ATR: variants seen among roughly 807,000 people sequenced by gnomAD.
ATR encodes ATR checkpoint kinase.
Under a neutral mutation model 305.3 loss-of-function variants are expected in ATR, and 142 were observed. The observed-to-expected ratio is 0.47, with a 90% CI of 0.41 to 0.53. The LOEUF is 0.53. Ranked by LOEUF, ATR falls within the 20% of genes least tolerant of loss-of-function variation. The pLI is 0.00. For synonymous variants in ATR, 1,050 were observed against 1,068.1 expected, an observed-to-expected ratio of 0.98 and a Z score of 0.33; for missense variants, 2,135 against 3,133.1, an observed-to-expected ratio of 0.68 and a Z score of 7.60.
intron 35 of ATR, among the ~76,000 whole-genome samples, chr3:142,486,969 A>C (rs1330244303): frequency 2.0e-5 from 3 of 147,430 alleles, no homozygotes; most frequent in Admixed American, 2.0e-4. Flanking sequence ...CAAAAAAAAA[A>C]AAAAAAAAAA....
At chr3:142,459,503 G>A in intron 42 of ATR, 120 bp from the exon 43 acceptor site, 1 of 1,146,082 alleles carries the variant, frequency 8.7e-7, no homozygotes, top group South Asian at 1.4e-5. Flanking sequence ...TGAAAAACAA[G>A]AATAAAGGAA....
chr3:142,496,281 TATATATATATATATA>T (rs2031599386), intron 34 of ATR, 65 bp downstream of exon 34: 2,019 of 72,440 alleles, frequency 0.028, 293 homozygotes, highest in Middle Eastern at 0.056. Flanking sequence ...TTCCCGACTA[TATATATATATATATA>T]TATATATATA....
At chr3:142,555,229 T>C (rs1577688273) in intron 10 of ATR, among the ~76,000 whole-genome samples, 1 of 52,686 alleles carries the variant, frequency 1.9e-5, no homozygotes, top group Non-Finnish European at 5.2e-5. Context: ...AGAGCAAAAC[T>C]CCGTCTCGGG....
rs771042068 is a variant in ATR at position 142,562,435 on chromosome 3, C to G, written c.967G>C (p.Glu323Gln). 9.3e-6 allele frequency: 15 copies of G among 1,614,108 alleles called. No individual in the cohort carries two copies. The highest frequency in any genetic ancestry group is 3.3e-4 in the Middle Eastern group (2 of 6,062). The change falls in exon 4 of 47, where the codon GAA becomes CAA. Residue 323 changes from glutamate (E) to glutamine (Q), a missense_variant. Around this residue, in one of 9 missense-constraint regions of ATR, gnomAD observed 744 missense variants for 873.2 expected, o/e 0.85. Coordinates refer to ENST00000350721, the MANE Select transcript of ATR (RefSeq NM_001184.4). The part of the protein sequence containing the change: ...IEPVYLNMLL[E>Q]KLCVMFEDGV... ...TCTTCAAACATGACACAGAGTTTTT[C>G]CAGCAGCATATTTAAATAGACAGGT...
chr3:142,575,210 A>C (rs747618511), intron 1 of ATR, among the ~76,000 whole-genome samples: 5 of 151,986 alleles, frequency 3.3e-5, no homozygotes, highest in Non-Finnish European at 5.9e-5. Flanking sequence ...CCTTCTTACT[A>C]TCCTTTTAAA....
intron 46 of ATR, chr3:142,450,478 A>G (rs1019016079): frequency 6.2e-7 from 1 of 1,602,270 alleles, no homozygotes; most frequent in Non-Finnish European, 8.5e-7. Flanking sequence ...AATGAGGTCC[A>G]CTAAAGAGAG....
intron 21 of ATR, among the ~76,000 whole-genome samples, chr3:142,530,809 A>G (rs1222894121): frequency 6.6e-6 from 1 of 152,106 alleles, no homozygotes; most frequent in Admixed American, 6.6e-5. Context: ...ATTTTCAGAG[A>G]CTACAAACGT....
chr3:142,504,461 A>C (rs995950185), intron 29 of ATR, among the ~76,000 whole-genome samples: 4 of 151,910 alleles, frequency 2.6e-5, no homozygotes, highest in African/African-American at 7.3e-5. Flanking sequence ...TAGTATTGGA[A>C]GGGACCTTTT....
Position 142,467,724 on chromosome 3 carries a change from A to C in ATR, c.6687+210T>G, listed in dbSNP as rs869312485. On this transcript the variant is annotated intron_variant, in intron 39 of 46. Coordinates refer to ENST00000350721, the MANE Select transcript of ATR (RefSeq NM_001184.4). The stretch of plus-strand genomic sequence containing the variant: ...ATTCACACTAAGAAGAACTTTTAGA[A>C]ATATTAGAGGGTATTTGGAAGTAAG... Among the ~76,000 whole-genome samples the C allele has an allele frequency of 1.2e-4, 18 of 152,148 alleles. No individual in the cohort carries two copies. Among genetic ancestry groups the C allele is most frequent in the Non-Finnish European group, 1.5e-4 (10 of 67,996 alleles).
intron 1 of ATR, among the ~76,000 whole-genome samples, chr3:142,569,137 T>C (rs1156373991): frequency 2.6e-5 from 4 of 152,284 alleles, no homozygotes; most frequent in African/African-American, 9.6e-5. Flanking sequence ...TGACTGCCTA[T>C]GGACCAATTA....
chr3:142,516,686 T>C (rs752176751), intron 24 of ATR, among the ~76,000 whole-genome samples: 1 of 152,054 alleles, frequency 6.6e-6, no homozygotes, highest in Non-Finnish European at 1.5e-5. Flanking sequence ...TATCTTTCCC[T>C]ATTGCAAAAA....
At chr3:142,512,714 G>T (rs1212153579) in intron 26 of ATR, among the ~76,000 whole-genome samples, 4 of 152,032 alleles carry the variant, frequency 2.6e-5, no homozygotes, top group African/African-American at 9.7e-5. Context: ...AATTAGCCAG[G>T]CATGGTGGCA....
At chr3:142,519,452 C>T (rs1462907997) in intron 24 of ATR, among the ~76,000 whole-genome samples, 2 of 152,076 alleles carry the variant, frequency 1.3e-5, no homozygotes, top group Non-Finnish European at 2.9e-5. Context: ...CAGATGTGCA[C>T]CACCACGCCC....
intron 1 of ATR, among the ~76,000 whole-genome samples, chr3:142,576,161 G>T (rs2035431016): frequency 6.6e-6 from 1 of 152,174 alleles, no homozygotes; most frequent in Non-Finnish European, 1.5e-5. Context: ...ATGGTTGTCA[G>T]AACTAACTTA....
intron 35 of ATR, among the ~76,000 whole-genome samples, chr3:142,488,374 A>T (rs570517670): frequency 2.3e-4 from 35 of 150,044 alleles, no homozygotes; most frequent in African/African-American, 8.6e-4. Context: ...TTTTCATTAA[A>T]CTCTCCCCAA....
chr3:142,449,310 T>C lies in ATR; in HGVS notation c.*119A>G, dbSNP rs958151163. 3 of 885,648 alleles carry C rather than the reference T, an allele frequency of 3.4e-6. No individual in the cohort carries two copies. Among genetic ancestry groups the C allele is most frequent in the Non-Finnish European group, 3.5e-6 (2 of 568,344 alleles). 54.9% of individuals were successfully genotyped at this position (885,648 alleles called of 1,614,324 possible). Reference sequence around the variant, plus strand: ...CATATAATTAATGATCAGAGAGAAATAACAGTTGCTGAGAACGTAAATTTA... The same window carrying C: ...CATATAATTAATGATCAGAGAGAAACAACAGTTGCTGAGAACGTAAATTTA... On this transcript the variant is annotated 3_prime_UTR_variant, in exon 47 of 47. Transcript: ENST00000350721.
At chr3:142,514,664 G>A (rs1172663330) in intron 25 of ATR, among the ~76,000 whole-genome samples, 8 of 150,724 alleles carry the variant, frequency 5.3e-5, no homozygotes, top group Non-Finnish European at 1.5e-5. Context: ...AAGATTAGCC[G>A]GGTGTGATGA....
chr3:142,543,509 CTTTCT>C (rs2034140235), intron 16 of ATR, among the ~76,000 whole-genome samples: 1 of 146,718 alleles, frequency 6.8e-6, no homozygotes, highest in Non-Finnish European at 1.5e-5. Context: ...CTTCCTCCCT[CTTTCT>C]CTTTCTTTCT....
At chr3:142,461,901 G>C (rs1156955582) in intron 42 of ATR, 39 bp downstream of exon 42, 1 of 1,586,268 alleles carries the variant, frequency 6.3e-7, no homozygotes, top group Non-Finnish European at 8.6e-7. Context: ...ATATAACTTA[G>C]TACCCACACT....
Sources: gnomAD v4.1 joint callset for allele counts (sites outside exome capture counted in the v4.1 genomes callset) on GRCh38, gnomAD v4.1.1 for gene constraint, gnomAD v4.1.1 regional missense constraint, MANE v1.5 for transcripts, NCBI Gene and HGNC (gene_info 2026-07-23, HGNC 2026-07-21) for gene names.